Variants in CNPY1 observed in about 807,000 individuals in gnomAD.
The protein encoded by CNPY1 is canopy FGF signaling regulator 1.
CNPY1 carries 14 observed loss-of-function variants against 14.4 expected under a neutral mutation model. The observed-to-expected ratio is 0.97, with a 90% CI of 0.64 to 1.52. The LOEUF (loss-of-function observed/expected upper bound fraction) is 1.52. Ranked by LOEUF, CNPY1 falls within the 40% of genes most tolerant of loss-of-function variation. The pLI is 0.00. For synonymous variants in CNPY1, 43 were observed against 46.5 expected (o/e 0.92, Z 0.31); for missense variants, 129 against 131.5 (o/e 0.98, Z 0.09).
intron 2 of CNPY1, among the ~76,000 whole-genome samples, chr7:155,522,061 GCA>G (rs1428875539): frequency 1.3e-5 from 2 of 152,234 alleles, no homozygotes; most frequent in Non-Finnish European, 2.9e-5. Context: ...ACACGCACGT[GCA>G]CACACGTGCC....
chr7:155,516,107 G>T (rs986791791), intron 2 of CNPY1, among the ~76,000 whole-genome samples: 13 of 152,080 alleles, frequency 8.5e-5, no homozygotes, highest in Middle Eastern at 3.2e-3. Context: ...AGGGCTAAGA[G>T]GACTCATTCT....
At chr7:155,515,962 A>G (rs1381911755) in intron 2 of CNPY1, among the ~76,000 whole-genome samples, 1 of 152,072 alleles carries the variant, frequency 6.6e-6, no homozygotes, top group Non-Finnish European at 1.5e-5. Context: ...CCCGTGAGAA[A>G]CATTCCAGTT....
In CNPY1 at chr7:155,503,510, C is replaced by T. The variant is rs543126061; in HGVS notation, c.401-405G>A. Among the ~76,000 whole-genome samples the T allele has an allele frequency of 7.2e-5, 11 of 152,192 alleles. No homozygotes were observed. The South Asian group carries it at 2.1e-3, about 29-fold the overall frequency. On this transcript the variant is annotated intron_variant, in intron 4 of 4. Transcript: ENST00000636446. ...TAGATACTTTGATAATGCTACTTTT[C>T]CAGTTGGAAGCAATTAATGCAAACT...
chr7:155,529,613 C>T (rs961699519), intron 2 of CNPY1, among the ~76,000 whole-genome samples: 1 of 152,096 alleles, frequency 6.6e-6, no homozygotes, highest in Non-Finnish European at 1.5e-5. Flanking sequence ...TTGGCATTCT[C>T]CCCAGTGTGT....
rs540118100 is a variant in CNPY1 at position 155,527,105 on chromosome 7, G to T, written c.100-18008C>A. ...CTTGCTCTGTTGCCCAGGCTGGAGGGCATTGGCATGATTTCAGCTCACTGC... is the reference window on the plus strand; with the variant it reads ...CTTGCTCTGTTGCCCAGGCTGGAGGTCATTGGCATGATTTCAGCTCACTGC... On this transcript the variant is annotated intron_variant, in intron 2 of 4. Coordinates refer to ENST00000636446, the MANE Select transcript of CNPY1 (RefSeq NM_001393663.1). Among the ~76,000 whole-genome samples, 3 of 119,354 alleles carry T rather than the reference G, an allele frequency of 2.5e-5. No individual in the cohort carries two copies. The East Asian group carries it at 7.6e-4, about 30-fold the overall frequency. The allele number at this position is 119,354 out of a possible 152,430, so 78.3% of individuals were successfully genotyped here.
chr7:155,531,241 C>G (rs1255871461), intron 2 of CNPY1, among the ~76,000 whole-genome samples: 1 of 152,226 alleles, frequency 6.6e-6, no homozygotes, highest in Non-Finnish European at 1.5e-5. Context: ...TCTCCTCTAG[C>G]TGTTCACAGG....
intron 2 of CNPY1, among the ~76,000 whole-genome samples, chr7:155,520,354 CCCA>C (rs1234119064): frequency 8.6e-5 from 13 of 151,924 alleles, no homozygotes; most frequent in African/African-American, 2.9e-4. Flanking sequence ...CACATGCGGT[CCCA>C]GGGCATTTCT....
intron 2 of CNPY1, among the ~76,000 whole-genome samples, chr7:155,515,368 G>A (rs972503704): frequency 4.7e-5 from 7 of 148,698 alleles, no homozygotes; most frequent in African/African-American, 1.8e-4. Context: ...AGAACAAGAG[G>A]CTCTTCCACC....
intron 2 of CNPY1, among the ~76,000 whole-genome samples, chr7:155,521,970 G>A (rs1796734178): frequency 6.6e-6 from 1 of 152,238 alleles, no homozygotes; most frequent in Non-Finnish European, 1.5e-5. Flanking sequence ...TCATGCCCCT[G>A]CCAAATCATC....
intron 2 of CNPY1, among the ~76,000 whole-genome samples, chr7:155,540,586 T>C (rs1350379733): frequency 6.6e-6 from 1 of 152,218 alleles, no homozygotes; most frequent in Non-Finnish European, 1.5e-5. Context: ...CTGTTTGAAC[T>C]TTCCAAGTTT....
intron 2 of CNPY1, among the ~76,000 whole-genome samples, chr7:155,541,356 A>C (rs1797081886): frequency 6.6e-6 from 1 of 152,240 alleles, no homozygotes; most frequent in African/African-American, 2.4e-5. Context: ...AGAGCAAGGC[A>C]GTCAGTCCCC....
At chr7:155,514,109 A>G (rs1432668167) in intron 2 of CNPY1, among the ~76,000 whole-genome samples, 1 of 152,236 alleles carries the variant, frequency 6.6e-6, no homozygotes, top group Non-Finnish European at 1.5e-5. Context: ...GGAGAAAGTG[A>G]CAGTACGTAA....
rs761792215 is a variant in CNPY1, at chr7:155,509,042, TCA to T, written c.153_154del (p.Cys51Ter). 1.9e-6 allele frequency: 3 copies of T among 1,609,354 alleles called. No homozygotes were observed. Among genetic ancestry groups the T allele is most frequent in the Non-Finnish European group, 1.7e-6 (2 of 1,178,760 alleles). ...CTCAAGCTTGTAGTCGTTCATTCGC[TCA>T]CAGACTTTCTCCAAAAGATCCGTTA... On this transcript the variant is annotated stop_gained and frameshift_variant, in exon 3 of 5. Coordinates refer to ENST00000636446, the MANE Select transcript of CNPY1 (RefSeq NM_001393663.1). LOFTEE classifies it high-confidence loss of function.
intron 2 of CNPY1, chr7:155,518,282 TGAG>T (rs1005033914): frequency 1.3e-5 from 2 of 157,848 alleles, no homozygotes; most frequent in South Asian, 2.0e-4. Context: ...TTTAGGAAGA[TGAG>T]GAGGAGGAAG....
Position 155,503,124 on chromosome 7 carries a change from G to C in CNPY1, c.401-19C>G. The C allele has an allele frequency of 6.5e-7, 1 of 1,548,016 alleles. No individual in the cohort carries two copies. Among genetic ancestry groups the C allele is most frequent in the Non-Finnish European group, 8.8e-7 (1 of 1,139,338 alleles). ...CACAGATCTGGAAAAAAAAAAAAAA[G>C]TAGATAGCATCATTATCACTTTAGA... On this transcript the variant is annotated intron_variant, in intron 4 of 4. Coordinates refer to ENST00000636446, the MANE Select transcript of CNPY1 (RefSeq NM_001393663.1).
chr7:155,532,675 AC>A (rs1796961362), intron 2 of CNPY1, among the ~76,000 whole-genome samples: 1 of 149,102 alleles, frequency 6.7e-6, no homozygotes, highest in Admixed American at 6.7e-5. Context: ...GGTTCCTACC[AC>A]CTCCTCCTAA....
chr7:155,546,375 G>T (rs1171365215), intron 1 of CNPY1, 54 bp downstream of exon 1: 3 of 396,034 alleles, frequency 7.6e-6, no homozygotes, highest in Admixed American at 4.5e-5. Flanking sequence ...TTTAAGAGAC[G>T]GGGGGTCTCA....
chr7:155,524,028 C>T (rs1228726203), intron 2 of CNPY1, among the ~76,000 whole-genome samples: 1 of 152,194 alleles, frequency 6.6e-6, no homozygotes. Context: ...CTCTGAGCCC[C>T]CAAGAAAAAT....
intron 4 of CNPY1, among the ~76,000 whole-genome samples, chr7:155,504,540 T>C (rs550230655): frequency 1.3e-5 from 2 of 152,250 alleles, no homozygotes; most frequent in East Asian, 3.9e-4. Flanking sequence ...GAACTAAAGT[T>C]TCAATAAAAC....
Sources: gnomAD v4.1 joint callset for allele counts (sites outside exome capture counted in the v4.1 genomes callset) on GRCh38, gnomAD v4.1.1 for gene constraint, MANE v1.5 for transcripts, NCBI Gene and HGNC (gene_info 2026-07-23, HGNC 2026-07-21) for gene names.